MAPK10: variants seen among roughly 807,000 people sequenced by gnomAD.
MAPK10 encodes JNK3 alpha protein kinase.
MAPK10 carries 25 observed loss-of-function variants against 59.3 expected under a neutral mutation model. The observed-to-expected ratio is 0.42, with a 90% CI of 0.31 to 0.59. The LOEUF is 0.59. Among genes scored for constraint, MAPK10 ranks in the 20% least tolerant of loss-of-function variants. MAPK10 has a pLI of 0.15. For missense variants in MAPK10, 351 were observed against 568.9 expected (o/e 0.62, Z 3.90); for synonymous variants, 190 against 200.5 (o/e 0.95, Z 0.44).
upstream of MAPK10, among the ~76,000 whole-genome samples, chr4:86,454,795 T>A (rs578041906): frequency 6.6e-6 from 1 of 152,128 alleles, no homozygotes; most frequent in African/African-American, 2.4e-5. Context: ...GGGAAATTCA[T>A]TGCAAAAAGG....
intron 1 of MAPK10, among the ~76,000 whole-genome samples, chr4:86,395,843 T>G (rs1261802902): frequency 1.3e-5 from 2 of 152,200 alleles, no homozygotes; most frequent in Non-Finnish European, 2.9e-5. Flanking sequence ...GTATGAGCAC[T>G]AGTCCCATCA....
In MAPK10 at chr4:86,014,328, G is replaced by GTGTGTGTA. The variant is rs1742440337; in HGVS notation, c.*2899_*2900insTACACACA. ...GGTGTGTGTGTGTGTGTGTGTGTGT[G>GTGTGTGTA]TGTGTGTGTGTGTGTGTTAAGACAG... On this transcript the variant is annotated 3_prime_UTR_variant, in exon 14 of 14. Coordinates refer to ENST00000641462, the MANE Select transcript of MAPK10 (RefSeq NM_138982.4). 1 of 130,556 alleles carries GTGTGTGTA rather than the reference G, an allele frequency of 7.7e-6. No individual in the cohort carries two copies. Among genetic ancestry groups the GTGTGTGTA allele is most frequent in the South Asian group, 2.2e-4 (1 of 4,646 alleles). The allele number at this position is 130,556 out of a possible 1,614,324, so 8.1% of individuals were successfully genotyped here.
chr4:86,168,958 T>A (rs2073007009), intron 3 of MAPK10, among the ~76,000 whole-genome samples: 1 of 152,192 alleles, frequency 6.6e-6, no homozygotes, highest in Admixed American at 6.5e-5. Flanking sequence ...AAACAGGGTC[T>A]GGAGTGGACC....
intron 1 of MAPK10, among the ~76,000 whole-genome samples, chr4:86,464,013 C>T (rs895278434): frequency 2.0e-5 from 3 of 151,974 alleles, no homozygotes; most frequent in African/African-American, 4.8e-5. Flanking sequence ...TTATTTGGAT[C>T]AAACCGTGAC....
intron 1 of MAPK10, among the ~76,000 whole-genome samples, chr4:86,549,357 G>A (rs1257677553): frequency 2.0e-5 from 3 of 152,160 alleles, no homozygotes; most frequent in Non-Finnish European, 2.9e-5. Flanking sequence ...AGGCTGTATG[G>A]TATAGTCCAT....
chr4:86,592,948 G>T (rs1389855979), intron 1 of MAPK10, among the ~76,000 whole-genome samples: 1 of 152,116 alleles, frequency 6.6e-6, no homozygotes, highest in Non-Finnish European at 1.5e-5. Flanking sequence ...TTCTTTCTTA[G>T]GCTCCAGGTT....
chr4:86,066,554 C>G (rs1484625952), intron 10 of MAPK10, among the ~76,000 whole-genome samples: 2 of 151,642 alleles, frequency 1.3e-5, no homozygotes, highest in Non-Finnish European at 2.9e-5. Context: ...ACCACGAAGT[C>G]AGGAGGTCGA....
At chr4:86,030,683 C>T (rs748154984) in intron 12 of MAPK10, among the ~76,000 whole-genome samples, 5 of 152,076 alleles carry the variant, frequency 3.3e-5, no homozygotes, top group Non-Finnish European at 7.4e-5. Flanking sequence ...CTTTGTTTTC[C>T]TCTTAGTCCT....
intron 3 of MAPK10, among the ~76,000 whole-genome samples, chr4:86,170,750 C>T (rs2073872201): frequency 6.6e-6 from 1 of 151,414 alleles, no homozygotes; most frequent in South Asian, 2.1e-4. Flanking sequence ...GAACTCTCCA[C>T]CCCAAATCAA....
chr4:86,502,920 C>A (rs1386497258), intron 1 of MAPK10, among the ~76,000 whole-genome samples: 1 of 152,006 alleles, frequency 6.6e-6, no homozygotes, highest in African/African-American at 2.4e-5. Context: ...CTGTGTGGAT[C>A]ATCAATATAG....
chr4:86,331,810 T>C (rs1042997426), intron 2 of MAPK10, among the ~76,000 whole-genome samples: 5 of 152,130 alleles, frequency 3.3e-5, no homozygotes, highest in African/African-American at 4.8e-5. Flanking sequence ...ATATGCTTTA[T>C]AGGTAATGTG....
Position 86,075,465 on chromosome 4 carries a change from A to G in MAPK10, c.803-7510T>C, listed in dbSNP as rs571023023. Among the ~76,000 whole-genome samples the G allele has an allele frequency of 3.2e-3, 484 of 152,046 alleles. 7 individuals carry two copies. The highest frequency in any genetic ancestry group is 0.014 in the Middle Eastern group (4 of 290). On this transcript the variant is annotated intron_variant, in intron 9 of 13. Coordinates refer to ENST00000641462, the MANE Select transcript of MAPK10 (RefSeq NM_138982.4). ...ACTGTGTTCCTTTGGAGGAGGAGAG[A>G]TGCTCTGCGTTTTAGAGTTTCCAGT...
chr4:86,516,147 C>A (rs1756646972), intron 1 of MAPK10, among the ~76,000 whole-genome samples: 1 of 143,270 alleles, frequency 7.0e-6, no homozygotes, highest in South Asian at 2.1e-4. Context: ...GTGTCCTCTG[C>A]CCATTTTATG....
At chr4:86,098,405 C>T in intron 9 of MAPK10, 119 bp downstream of exon 9, 1 of 1,466,716 alleles carries the variant, frequency 6.8e-7, no homozygotes, top group Non-Finnish European at 9.2e-7. Flanking sequence ...TTTTTTATTA[C>T]AATAACACCA....
chr4:86,360,575 T>C (rs1471076320), upstream of MAPK10, among the ~76,000 whole-genome samples: 2 of 152,158 alleles, frequency 1.3e-5, no homozygotes, highest in African/African-American at 4.8e-5. Context: ...TGAATAAATA[T>C]CCACTAAACC....
At chr4:86,393,916 T>A (rs1742563959) in intron 1 of MAPK10, among the ~76,000 whole-genome samples, 1 of 152,194 alleles carries the variant, frequency 6.6e-6, no homozygotes, top group Non-Finnish European at 1.5e-5. Context: ...ACTCTGTTAT[T>A]GCAACATTAA....
chr4:86,156,493 G>T (rs1184451684), intron 4 of MAPK10, among the ~76,000 whole-genome samples: 1 of 151,782 alleles, frequency 6.6e-6, no homozygotes, highest in Non-Finnish European at 1.5e-5. Context: ...AAATAATATG[G>T]CTTCACTTCC....
rs1439593900 is a variant in MAPK10, at chr4:86,194,407, C to G, written c.-6G>C. 4 of 1,557,436 alleles carry G rather than the reference C, an allele frequency of 2.6e-6. No homozygotes were observed. In the African/African-American group the frequency reaches 5.4e-5, roughly 21 times the overall value. ...TATAAGAAATGGAGGCTCATAAATACCTAGAGGAAAAAGAAATGGAGCATA... is the reference window on the plus strand; with the variant it reads ...TATAAGAAATGGAGGCTCATAAATAGCTAGAGGAAAAAGAAATGGAGCATA... On this transcript the variant is annotated splice_region_variant and 5_prime_UTR_variant, in exon 3 of 14. Coordinates refer to ENST00000641462, the MANE Select transcript of MAPK10 (RefSeq NM_138982.4).
At chr4:86,368,089 G>A (rs1738201734) in intron 1 of MAPK10, among the ~76,000 whole-genome samples, 1 of 152,098 alleles carries the variant, frequency 6.6e-6, no homozygotes, top group Non-Finnish European at 1.5e-5. Context: ...CATAGTGATT[G>A]GCAATGCTGC....
Sources: allele counts gnomAD v4.1 joint callset (sites outside exome capture counted in the v4.1 genomes callset), GRCh38; gene constraint gnomAD v4.1.1; transcripts MANE v1.5; gene names NCBI Gene and HGNC (gene_info 2026-07-23, HGNC 2026-07-21).